Variants in SLC18A2 observed in about 807,000 individuals in gnomAD.
SLC18A2 encodes solute carrier family 18 member A2, also known as synaptic vesicular amine transporter.
A neutral mutation model predicts 59.2 loss-of-function variants in SLC18A2; 33 were observed. The ratio of observed to expected loss-of-function variants is 0.56; its 90% CI spans 0.42 to 0.75. The LOEUF (loss-of-function observed/expected upper bound fraction) is 0.75. Among genes scored for constraint, SLC18A2 ranks in the 30% least tolerant of loss-of-function variants. SLC18A2 has a pLI of 0.00. For missense variants in SLC18A2, 569 were observed against 668.6 expected (o/e 0.85, Z 1.64); for synonymous variants, 228 against 253.5 (o/e 0.90, Z 0.95).
At position 117,256,525 on chromosome 10, in the gene SLC18A2, C is replaced by T. The variant is rs940591889; in HGVS notation, c.895+868C>T. 7.9e-5 allele frequency among the ~76,000 whole-genome samples: 12 copies of T among 152,308 alleles called. No homozygotes were observed. In the South Asian group the frequency reaches 8.3e-4, roughly 11 times the overall value. ...TCCCTAACACAGGTAGGCTGGAGGG[C>T]GCCTGGGAGAACTGGGCACCAGTAG... is the stretch of plus-strand genomic sequence containing the variant. On this transcript the variant is annotated intron_variant, in intron 9 of 15. Coordinates refer to ENST00000644641, the MANE Select transcript of SLC18A2 (RefSeq NM_003054.6).
intron 3 of SLC18A2, 77 bp from the exon 4 acceptor site, chr10:117,253,321 AG>A (rs1289624714): frequency 9.7e-7 from 1 of 1,030,224 alleles, no homozygotes. Context: ...CCCAAAGGGT[AG>A]CCAGGCGAAA....
intron 15 of SLC18A2, 37 bp from the exon 16 acceptor site, chr10:117,277,125 C>A (rs1273019285): frequency 1.7e-6 from 2 of 1,156,302 alleles, no homozygotes; most frequent in Non-Finnish European, 2.5e-6. Context: ...CTTTATGAAA[C>A]AAGAAGTTAA....
chr10:117,257,964 C>T, intron 10 of SLC18A2, 72 bp downstream of exon 10: 3 of 1,038,172 alleles, frequency 2.9e-6, no homozygotes, highest in Non-Finnish European at 4.3e-6. Flanking sequence ...CCAGGGCATC[C>T]CTGCTGAGTT....
chr10:117,262,305 G>C (rs1844301792), intron 10 of SLC18A2, among the ~76,000 whole-genome samples: 1 of 152,196 alleles, frequency 6.6e-6, no homozygotes, highest in Admixed American at 6.5e-5. Flanking sequence ...AGGATTCTTG[G>C]AATTAAACAA....
intron 10 of SLC18A2, among the ~76,000 whole-genome samples, chr10:117,264,530 G>A (rs1291290749): frequency 6.6e-6 from 1 of 152,204 alleles, no homozygotes; most frequent in Non-Finnish European, 1.5e-5. Context: ...TACTGGAACT[G>A]CAGTCCCTCA....
chr10:117,256,088 C>G (rs1844226701), intron 9 of SLC18A2, among the ~76,000 whole-genome samples: 1 of 152,204 alleles, frequency 6.6e-6, no homozygotes, highest in South Asian at 2.1e-4. Context: ...TAGAAACTGA[C>G]AGCAGAGCCC....
rs1418402920 is a variant in SLC18A2 at position 117,257,837 on chromosome 10, G to A, written c.936G>A (p.Glu312=). ...CAAACATGGGCATCGCCATGCTGGA[G>A]CCAGCCCTGCCCATCTGGATGATGG... is the stretch of plus-strand genomic sequence containing the variant. ...CFANMGIAML[E]PALPIWMMET... The change falls in exon 10 of 16, where the codon GAG becomes GAA. Residue 312 remains glutamate (E), a synonymous_variant. Transcript: ENST00000644641. 6.2e-7 allele frequency: 1 copy of A among 1,612,414 alleles called. No homozygotes were observed.
chr10:117,265,750 T>C (rs1238774749), intron 10 of SLC18A2, among the ~76,000 whole-genome samples: 4 of 152,088 alleles, frequency 2.6e-5, no homozygotes, highest in Admixed American at 1.3e-4. Context: ...CCTGGGCACA[T>C]CAGAACCTGG....
In SLC18A2 at chr10:117,255,275, A is replaced by C; in HGVS notation, c.701-2A>C. The C allele has an allele frequency of 6.2e-7, 1 of 1,614,114 alleles. No homozygotes were observed. The highest frequency in any genetic ancestry group is 1.3e-5 in the African/African-American group (1 of 75,050). On this transcript the variant is annotated splice_acceptor_variant, in intron 6 of 15. Transcript: ENST00000644641. LOFTEE classifies it high-confidence loss of function. ...TGGTGTCCCCACTTTCTCTCCCTGC[A>C]GTGGGCCCCCCCTTCGGGAGTGTGC... is the stretch of plus-strand genomic sequence containing the variant.
At position 117,254,034 on chromosome 10, in the gene SLC18A2, C is replaced by T. The variant is rs781368635; in HGVS notation, c.524-14C>T. 6.2e-7 allele frequency: 1 copy of T among 1,612,478 alleles called. No homozygotes were observed. Among genetic ancestry groups the T allele is most frequent in the East Asian group, 2.2e-5 (1 of 44,874 alleles). ...CAGCACTGATGTGCGGTCTTGGACCCCCTCTCTCGGCAGTGTTTGCCTTCT... is the reference window on the plus strand; with the variant it reads ...CAGCACTGATGTGCGGTCTTGGACCTCCTCTCTCGGCAGTGTTTGCCTTCT... On this transcript the variant is annotated splice_polypyrimidine_tract_variant and intron_variant, in intron 4 of 15. Coordinates refer to ENST00000644641, the MANE Select transcript of SLC18A2 (RefSeq NM_003054.6).
In SLC18A2 at chr10:117,269,116, GATACAC is replaced by G. The variant is rs1844390150; in HGVS notation, c.1187-943_1187-938del. Among the ~76,000 whole-genome samples the G allele has an allele frequency of 6.7e-6, 1 of 149,024 alleles. No individual in the cohort carries two copies. The highest frequency in any genetic ancestry group is 2.1e-4 in the South Asian group (1 of 4,714). The stretch of plus-strand genomic sequence containing the variant: ...ACATATGCATACATACATACACGTA[GATACAC>G]ATACACATACAAACACCCACCCACA... On this transcript the variant is annotated intron_variant, in intron 13 of 15. Coordinates refer to ENST00000644641, the MANE Select transcript of SLC18A2 (RefSeq NM_003054.6). This position sits in a 1 kb window ranked among gnomAD's most constrained non-coding sequence, Gnocchi z 5.1.
chr10:117,272,361 G>A (rs995717925), intron 15 of SLC18A2, among the ~76,000 whole-genome samples: 3 of 152,110 alleles, frequency 2.0e-5, no homozygotes, highest in East Asian at 1.9e-4. Context: ...TTGCCAAGCC[G>A]GCAAACATCA....
chr10:117,254,166 G>C, intron 5 of SLC18A2, 35 bp downstream of exon 5: 1 of 1,596,742 alleles, frequency 6.3e-7, no homozygotes, highest in Non-Finnish European at 8.6e-7. Context: ...TTCGTGAGGG[G>C]CCCCTTGCAG....
chr10:117,260,521 G>C (rs1040794130), intron 10 of SLC18A2, among the ~76,000 whole-genome samples: 1 of 152,210 alleles, frequency 6.6e-6, no homozygotes, highest in Non-Finnish European at 1.5e-5. Flanking sequence ...TAGGCTGTGT[G>C]TCTAGAATTT....
intron 2 of SLC18A2, among the ~76,000 whole-genome samples, chr10:117,242,340 T>C (rs770417921): frequency 1.3e-5 from 2 of 152,226 alleles, no homozygotes; most frequent in Non-Finnish European, 2.9e-5. Context: ...CTTGGTTCTA[T>C]TATTTTTCCT....
In SLC18A2 at chr10:117,270,093, G is replaced by A; in HGVS notation, c.1209G>A (p.Met403Ile). 6.2e-7 allele frequency: 1 copy of A among 1,614,210 alleles called. No individual in the cohort carries two copies. The highest frequency in any genetic ancestry group is 8.5e-7 in the Non-Finnish European group (1 of 1,180,032). The change falls in exon 14 of 16, where the codon ATG becomes ATA. Residue 403 changes from methionine (M) to isoleucine (I), a missense_variant. Coordinates refer to ENST00000644641, the MANE Select transcript of SLC18A2 (RefSeq NM_003054.6). ...CAGGAATGGTGGATTCGTCAATGAT[G>A]CCTATCATGGGCTACCTCGTAGACC... ...FAIGMVDSSM[M>I]PIMGYLVDLR... is the part of the protein sequence containing the mutation.
chr10:117,260,976 A>G (rs1844288413), intron 10 of SLC18A2, among the ~76,000 whole-genome samples: 2 of 152,234 alleles, frequency 1.3e-5, no homozygotes, highest in Non-Finnish European at 2.9e-5. Flanking sequence ...GTGACTGGCA[A>G]GGAATGTGCT....
intron 15 of SLC18A2, among the ~76,000 whole-genome samples, chr10:117,270,696 A>G (rs1478938939): frequency 2.0e-5 from 3 of 152,226 alleles, no homozygotes; most frequent in South Asian, 4.1e-4. Context: ...TACATAGATT[A>G]GCATCAGTGT....
intron 9 of SLC18A2, 27 bp downstream of exon 9, chr10:117,255,684 A>G: frequency 1.2e-6 from 2 of 1,608,334 alleles, no homozygotes; most frequent in South Asian, 2.2e-5. Context: ...CTTCTGAGTC[A>G]GGGGAATGCG....
Sources: allele counts gnomAD v4.1 joint callset (sites outside exome capture counted in the v4.1 genomes callset), GRCh38; gene constraint gnomAD v4.1.1; non-coding constraint Gnocchi (gnomAD v3.1); transcripts MANE v1.5; gene names NCBI Gene and HGNC (gene_info 2026-07-23, HGNC 2026-07-21).